AGBL1: variants seen among roughly 807,000 people sequenced by gnomAD.
AGBL1 encodes AGBL carboxypeptidase 1.
In AGBL1, 130 loss-of-function variants were observed where a neutral mutation model predicts 118.9. The ratio of observed to expected loss-of-function variants is 1.09; its 90% confidence interval spans 0.95 to 1.26. AGBL1 has a LOEUF of 1.26. Among genes scored for constraint, AGBL1 ranks in the 50% most tolerant of loss-of-function variants. The pLI is 0.00. For missense variants in AGBL1, 1,584 were observed against 1,298.1 expected (o/e 1.22, Z -3.38); for synonymous variants, 555 against 478.9 (o/e 1.16, Z -2.08).
Position 86,244,992 on chromosome 15 carries a change from A to G in AGBL1, c.527-2679A>G, listed in dbSNP as rs148018941. 3.7e-3 allele frequency among the ~76,000 whole-genome samples: 566 copies of G among 152,326 alleles called. 2 individuals are homozygous for G. Among genetic ancestry groups the G allele is most frequent in the African/African-American group, 0.013 (553 of 41,568 alleles). ...AACAATTCATTAAAGGAGGTAATGA[A>G]GGCAATTCAAACCCTCCACAAATGT... On this transcript the variant is annotated intron_variant, in intron 6 of 22. Coordinates refer to ENST00000614907, the MANE Select transcript of AGBL1 (RefSeq NM_001386094.1).
At chr15:86,244,028 T>C (rs2078678589) in intron 6 of AGBL1, among the ~76,000 whole-genome samples, 1 of 142,590 alleles carries the variant, frequency 7.0e-6, no homozygotes, top group Non-Finnish European at 1.5e-5. Flanking sequence ...TTAAAATAAA[T>C]AGATAAGTAG....
intron 17 of AGBL1, among the ~76,000 whole-genome samples, chr15:86,382,311 G>A (rs1034118963): frequency 6.6e-6 from 1 of 152,214 alleles, no homozygotes; most frequent in African/African-American, 2.4e-5. Flanking sequence ...AAGTCTTTGA[G>A]ACTGTTTGCA....
intron 1 of AGBL1, among the ~76,000 whole-genome samples, chr15:86,122,191 T>C (rs1349754673): frequency 6.6e-6 from 1 of 152,180 alleles, no homozygotes; most frequent in Non-Finnish European, 1.5e-5. Context: ...TTTCCCGACA[T>C]GGTCACAGGA....
chr15:86,931,641 C>G (rs988189313), intron 23 of AGBL1, among the ~76,000 whole-genome samples: 1 of 148,198 alleles, frequency 6.7e-6, no homozygotes, highest in Non-Finnish European at 1.5e-5. Flanking sequence ...CAATTCCATG[C>G]TAACAAATCT....
Position 86,577,626 on chromosome 15 carries a change from C to G in AGBL1, c.2994+23089C>G, listed in dbSNP as rs973761412. ...CCTCTCCTGTCATTGGCCTGGAGATCTGAGGGGAAAAAGTGGTTTAATGGA... is the reference window on the plus strand; with the variant it reads ...CCTCTCCTGTCATTGGCCTGGAGATGTGAGGGGAAAAAGTGGTTTAATGGA... On this transcript the variant is annotated intron_variant, in intron 21 of 22. Transcript: ENST00000614907. Among the ~76,000 whole-genome samples, 4 of 152,200 alleles carry G rather than the reference C, an allele frequency of 2.6e-5. No individual in the cohort carries two copies. In the East Asian group the frequency reaches 5.8e-4, roughly 22 times the overall value.
At chr15:86,811,610 T>C (rs1046356084) in intron 22 of AGBL1, among the ~76,000 whole-genome samples, 2 of 152,218 alleles carry the variant, frequency 1.3e-5, no homozygotes, top group Admixed American at 6.6e-5. Flanking sequence ...AAGACTGTGA[T>C]ACTTCTATCA....
chr15:86,445,315 T>A (rs2082108608), intron 18 of AGBL1, among the ~76,000 whole-genome samples: 2 of 152,226 alleles, frequency 1.3e-5, no homozygotes, highest in South Asian at 4.1e-4. Flanking sequence ...AAGATATGAC[T>A]TTTTGCTATA....
chr15:86,793,713 T>C (rs771683796), intron 22 of AGBL1, among the ~76,000 whole-genome samples: 1 of 152,164 alleles, frequency 6.6e-6, no homozygotes, highest in Non-Finnish European at 1.5e-5. Flanking sequence ...TTGCAAATCA[T>C]ACGTCTGATA....
At chr15:86,543,193 G>A (rs748046443) in intron 19 of AGBL1, among the ~76,000 whole-genome samples, 27 of 148,552 alleles carry the variant, frequency 1.8e-4, no homozygotes, top group Middle Eastern at 3.5e-3. Context: ...GTAATTTAGT[G>A]TTTGCCCTAT....
chr15:86,121,596 A>G (rs897224732), intron 1 of AGBL1, among the ~76,000 whole-genome samples: 2 of 152,348 alleles, frequency 1.3e-5, no homozygotes, highest in South Asian at 2.1e-4. Context: ...GTACTCGACA[A>G]TAGTCATATT....
At chr15:86,817,461 G>GACAC (rs769225366) in intron 22 of AGBL1, among the ~76,000 whole-genome samples, 2 of 61,348 alleles carry the variant, frequency 3.3e-5, no homozygotes, top group Admixed American at 1.8e-4. Context: ...GTCTCTGAGA[G>GACAC]ATACACACAC....
chr15:86,689,745 G>A (rs1293576770), intron 22 of AGBL1, among the ~76,000 whole-genome samples: 1 of 152,052 alleles, frequency 6.6e-6, no homozygotes, highest in African/African-American at 2.4e-5. Context: ...CCTGTATAAT[G>A]TGATACTACA....
chr15:86,601,383 A>G (rs1392039760), intron 21 of AGBL1, among the ~76,000 whole-genome samples: 1 of 152,124 alleles, frequency 6.6e-6, no homozygotes, highest in African/African-American at 2.4e-5. Flanking sequence ...TACTAATAAT[A>G]CAATTATTTT....
chr15:86,285,611 C>T (rs1234236563), intron 16 of AGBL1, among the ~76,000 whole-genome samples: 2 of 152,060 alleles, frequency 1.3e-5, no homozygotes, highest in African/African-American at 2.4e-5. Context: ...AACTGTGAGT[C>T]GATTAAACCT....
chr15:86,688,782 C>CTA (rs1188425122), intron 22 of AGBL1, among the ~76,000 whole-genome samples: 1 of 152,034 alleles, frequency 6.6e-6, no homozygotes, highest in African/African-American at 2.4e-5. Context: ...ATCTATATAT[C>CTA]TATATATATG....
chr15:86,988,063 A>G (rs755315062), exon 24 of AGBL1: 1 of 1,613,734 alleles, frequency 6.2e-7, no homozygotes, highest in Admixed American at 1.7e-5. Flanking sequence ...CTTTTTCAAG[A>G]TGAACCTTCT....
In AGBL1 at chr15:86,736,688, T is replaced by C. The variant is rs372245461; in HGVS notation, c.3158+62252T>C. 4.6e-5 allele frequency among the ~76,000 whole-genome samples: 7 copies of C among 152,156 alleles called. No individual in the cohort carries two copies. The East Asian group carries it at 5.8e-4, about 13-fold the overall frequency. ...ACACCGCTTCATCCATCATCCCTTT[T>C]AATATTCATGTAAAATTGGGCATAG... On this transcript the variant is annotated intron_variant, in intron 22 of 22. Coordinates refer to ENST00000614907, the MANE Select transcript of AGBL1 (RefSeq NM_001386094.1).
chr15:86,724,201 G>A (rs536102753), intron 22 of AGBL1, among the ~76,000 whole-genome samples: 42 of 123,556 alleles, frequency 3.4e-4, no homozygotes, highest in South Asian at 3.2e-3. Context: ...GCGCCACTGC[G>A]CTCCAGCCTG....
chr15:86,632,936 T>G (rs1249122320), intron 21 of AGBL1, among the ~76,000 whole-genome samples: 2 of 152,214 alleles, frequency 1.3e-5, no homozygotes, highest in Non-Finnish European at 2.9e-5. Context: ...GTTCAATTAT[T>G]AACCAAAAAG....
Sources: allele counts gnomAD v4.1 joint callset (sites outside exome capture counted in the v4.1 genomes callset), GRCh38; gene constraint gnomAD v4.1.1; transcripts MANE v1.5; gene names NCBI Gene and HGNC (gene_info 2026-07-23, HGNC 2026-07-21).